The following EPB41L3 variants were observed in gnomAD, a reference collection of about 807,000 sequenced individuals.
EPB41L3 encodes erythrocyte membrane protein band 4.1 like 3, also known as band 4.1-like protein 3.
In EPB41L3, 57 loss-of-function variants were observed where a neutral mutation model predicts 127.1. The observed-to-expected ratio is 0.45, with a 90% CI of 0.36 to 0.56. The LOEUF (loss-of-function observed/expected upper bound fraction) is 0.56, where lower values mean the gene tolerates loss of function less well. Ranked by LOEUF, EPB41L3 falls within the 20% of genes least tolerant of loss-of-function variation. The pLI is 0.00. For synonymous variants in EPB41L3, 572 were observed against 549.5 expected (o/e 1.04, Z -0.57); for missense variants, 1,273 against 1,372.2 (o/e 0.93, Z 1.14).
At chr18:5,616,804 T>C (rs920420001) in intron 1 of EPB41L3, among the ~76,000 whole-genome samples, 1 of 152,230 alleles carries the variant, frequency 6.6e-6, no homozygotes, top group Non-Finnish European at 1.5e-5. Flanking sequence ...CATCATGTGG[T>C]TGGTTGATAG....
At chr18:5,560,963 ATTTATTTAT>A (rs2094118801) in intron 3 of EPB41L3, among the ~76,000 whole-genome samples, 1 of 142,150 alleles carries the variant, frequency 7.0e-6, no homozygotes, top group Non-Finnish European at 1.5e-5. Context: ...TTATTTATTT[ATTTATTTAT>A]TTATTTATTT....
intron 14 of EPB41L3, among the ~76,000 whole-genome samples, chr18:5,410,217 T>TAA (rs113223592): frequency 2.0e-4 from 28 of 143,074 alleles, no homozygotes; most frequent in African/African-American, 6.1e-4. Context: ...AATTTTTTTC[T>TAA]AAAAAAAAAA....
At position 5,460,150 on chromosome 18, in the gene EPB41L3, A is replaced by G. The variant is rs1305983906; in HGVS notation, c.382-14906T>C. ...CTCCTACTTATAAATGAGATTGTGC[A>G]GCATTTGGTTTTCTGTTCCTACATT... On this transcript the variant is annotated intron_variant, in intron 3 of 22. Coordinates refer to ENST00000341928, the MANE Select transcript of EPB41L3 (RefSeq NM_012307.5). Among the ~76,000 whole-genome samples, 3 of 152,182 alleles carry G rather than the reference A, an allele frequency of 2.0e-5. 1 individual carries two copies. The highest frequency in any genetic ancestry group is 6.5e-5 in the Admixed American group (1 of 15,276).
chr18:5,555,356 G>A (rs1282804703), intron 3 of EPB41L3, among the ~76,000 whole-genome samples: 1 of 152,098 alleles, frequency 6.6e-6, no homozygotes, highest in Non-Finnish European at 1.5e-5. Flanking sequence ...GTTGGTAGAG[G>A]TGTATCTTAA....
At chr18:5,572,247 T>C (rs2094290138) in intron 3 of EPB41L3, among the ~76,000 whole-genome samples, 3 of 152,216 alleles carry the variant, frequency 2.0e-5, no homozygotes, top group Non-Finnish European at 4.4e-5. Context: ...ACGTTCATGT[T>C]TTCCTCTTCA....
At chr18:5,505,812 C>G (rs1329118092) in intron 1 of EPB41L3, among the ~76,000 whole-genome samples, 2 of 125,898 alleles carry the variant, frequency 1.6e-5, no homozygotes. Context: ...CCACCCCTTC[C>G]CTCTACACCT....
At chr18:5,433,226 G>C (rs1015878349) in intron 8 of EPB41L3, among the ~76,000 whole-genome samples, 1 of 152,136 alleles carries the variant, frequency 6.6e-6, no homozygotes, top group Non-Finnish European at 1.5e-5. Flanking sequence ...TGCCTATCAC[G>C]GGCTTTCAGA....
chr18:5,393,719 T>C, intron 22 of EPB41L3: 1 of 415,508 alleles, frequency 2.4e-6, no homozygotes, highest in Non-Finnish European at 4.3e-6. Context: ...CCAAAATATA[T>C]TATTCATTTG....
chr18:5,478,109 T>A (rs1263503020), intron 3 of EPB41L3, 132 bp downstream of exon 3: 4 of 704,796 alleles, frequency 5.7e-6, no homozygotes, highest in Non-Finnish European at 9.1e-6. Context: ...GGGAAATAAT[T>A]TTATATTTAG....
At chr18:5,526,071 C>G (rs2093209701) in intron 1 of EPB41L3, among the ~76,000 whole-genome samples, 1 of 151,884 alleles carries the variant, frequency 6.6e-6, no homozygotes. Context: ...ACCATAAAAA[C>G]AATTATCTAT....
intron 1 of EPB41L3, among the ~76,000 whole-genome samples, chr18:5,539,451 C>T (rs901292038): frequency 1.3e-5 from 2 of 152,156 alleles, no homozygotes; most frequent in African/African-American, 4.8e-5. Flanking sequence ...AAATGCAACA[C>T]CAAAGACATT....
chr18:5,473,699 T>C (rs1467448753), intron 3 of EPB41L3, among the ~76,000 whole-genome samples: 1 of 152,138 alleles, frequency 6.6e-6, no homozygotes, highest in Non-Finnish European at 1.5e-5. Context: ...TTTATTTATT[T>C]TCTCTTTTAA....
upstream of EPB41L3, chr18:5,544,037 C>G: frequency 4.1e-6 from 4 of 985,576 alleles, no homozygotes; most frequent in Non-Finnish European, 4.8e-6. Flanking sequence ...CTGCTCGCCG[C>G]TGTTCCCCCC....
chr18:5,395,180 A>C (rs1340012640), intron 20 of EPB41L3, 33 bp from the exon 21 acceptor site: 4 of 1,579,084 alleles, frequency 2.5e-6, no homozygotes, highest in South Asian at 1.1e-5. Context: ...TTATGAATTT[A>C]CTCACTGGGA....
At chr18:5,398,623 T>C in intron 16 of EPB41L3, 2 of 402,130 alleles carry the variant, frequency 5.0e-6, no homozygotes. Flanking sequence ...AATTGCAAAC[T>C]GTGGCCCCAA....
At chr18:5,407,367 G>A (rs772199332) in intron 15 of EPB41L3, 9 of 399,412 alleles carry the variant, frequency 2.3e-5, no homozygotes, top group Non-Finnish European at 2.7e-5. Context: ...ATCACAATAC[G>A]AGCCCACAGG....
intron 16 of EPB41L3, 107 bp from the exon 17 acceptor site, chr18:5,398,250 A>C: frequency 7.7e-7 from 1 of 1,299,400 alleles, no homozygotes; most frequent in African/African-American, 1.5e-5. Flanking sequence ...GGAGACAGGG[A>C]GGAGGAAGAA....
chr18:5,416,011 A>G lies in EPB41L3; in HGVS notation c.1874T>C (p.Leu625Pro). ...NLLPQSLQHY[L>P]PIRSPSLVPC... The stretch of plus-strand genomic sequence containing the variant: ...CACAAGGGACGGTGAGCGGATCGGG[A>G]GGTAATGCTGCAAGCTCTGGGGCAG... The change falls in exon 13 of 23, where the codon CTC becomes CCC. Residue 625 changes from leucine (L) to proline (P), a missense_variant. Around this residue, in one of 3 missense-constraint regions of EPB41L3, gnomAD observed 765 missense variants for 782.9 expected, o/e 0.98. Coordinates refer to ENST00000341928, the MANE Select transcript of EPB41L3 (RefSeq NM_012307.5). 1.2e-6 allele frequency: 2 copies of G among 1,614,032 alleles called. No individual in the cohort carries two copies. The highest frequency in any genetic ancestry group is 2.2e-5 in the South Asian group (2 of 91,078).
intron 14 of EPB41L3, among the ~76,000 whole-genome samples, chr18:5,408,952 T>C (rs560146635): frequency 2.0e-5 from 3 of 152,172 alleles, no homozygotes; most frequent in Non-Finnish European, 4.4e-5. Flanking sequence ...AGAATGAAAT[T>C]CTAGGTGAGA....
Sources: allele counts gnomAD v4.1 joint callset (sites outside exome capture counted in the v4.1 genomes callset), GRCh38; gene constraint gnomAD v4.1.1; regional missense constraint gnomAD v4.1.1; transcripts MANE v1.5; gene names NCBI Gene and HGNC (gene_info 2026-07-23, HGNC 2026-07-21).